Variants in NF2 observed in about 807,000 individuals in gnomAD.
The protein encoded by NF2 is NF2, moesin-ezrin-radixin like (MERLIN) tumor suppressor, also known as merlin.
Under a neutral mutation model 83.7 loss-of-function variants are expected in NF2, and 8 were observed. The ratio of observed to expected loss-of-function variants is 0.10; its 90% CI spans 0.06 to 0.17. NF2 has a LOEUF of 0.17. NF2 is among the 10% of genes least tolerant of loss of function. NF2 has a pLI of 1.00. For synonymous variants in NF2, 266 were observed against 269.6 expected (o/e 0.99, Z 0.13); for missense variants, 533 against 744.4 (o/e 0.72, Z 3.31).
intron 13 of NF2, among the ~76,000 whole-genome samples, chr22:29,676,376 A>G (rs1244310086): frequency 6.6e-6 from 1 of 151,758 alleles, no homozygotes; most frequent in Non-Finnish European, 1.5e-5. Flanking sequence ...GGGTTTTGCC[A>G]TGTTGCCACA....
At chr22:29,606,851 G>A (rs1046825560) in intron 1 of NF2, among the ~76,000 whole-genome samples, 1 of 152,294 alleles carries the variant, frequency 6.6e-6, no homozygotes, top group African/African-American at 2.4e-5. Flanking sequence ...TTTGAGACCA[G>A]CTTGACCAAT....
intron 9 of NF2, among the ~76,000 whole-genome samples, chr22:29,667,813 T>G (rs2066668509): frequency 1.3e-5 from 2 of 152,244 alleles, no homozygotes; most frequent in Non-Finnish European, 2.9e-5. Flanking sequence ...TTTTGTGTCT[T>G]ACTTGGCATC....
intron 13 of NF2, among the ~76,000 whole-genome samples, chr22:29,675,477 AT>A (rs111997472): frequency 0.057 from 8,235 of 144,402 alleles, 713 homozygotes; most frequent in African/African-American, 0.19. Flanking sequence ...TCAGTTTGGC[AT>A]TTTTTTTTTT....
At chr22:29,662,019 A>G (rs941776772) in intron 8 of NF2, among the ~76,000 whole-genome samples, 1 of 152,256 alleles carries the variant, frequency 6.6e-6, no homozygotes, top group African/African-American at 2.4e-5. Flanking sequence ...AAATATTTCC[A>G]TATAGGGTGG....
chr22:29,680,540 T>C (rs1318512664), intron 14 of NF2, among the ~76,000 whole-genome samples: 3 of 152,264 alleles, frequency 2.0e-5, no homozygotes, highest in Non-Finnish European at 4.4e-5. Context: ...TTGGTATTTG[T>C]ATTGCATGGT....
At position 29,696,603 on chromosome 22, in the gene NF2, G is replaced by A. The variant is rs933131119; in HGVS notation, c.*1801G>A. ...CTGACCTAATGGGGTTGGGCTGCTC[G>A]GCAACTGCTTGGGTCACCTTGCCCC... On this transcript the variant is annotated 3_prime_UTR_variant, in exon 16 of 16. Transcript: ENST00000338641. The A allele has an allele frequency of 6.6e-5, 14 of 213,592 alleles. No individual in the cohort carries two copies. The highest frequency in any genetic ancestry group is 9.5e-5 in the Non-Finnish European group (10 of 105,488). The allele number at this position is 213,592 out of a possible 1,614,324, so 13.2% of individuals were successfully genotyped here.
Position 29,636,223 on chromosome 22 carries a change from G to A in NF2, c.115-528G>A, listed in dbSNP as rs1277025766. Among the ~76,000 whole-genome samples the A allele has an allele frequency of 1.3e-5, 2 of 151,984 alleles. No homozygotes were observed. Among genetic ancestry groups the A allele is most frequent in the African/African-American group, 2.4e-5 (1 of 41,360 alleles). ...GACAGACCTGTGATTGGACTGTCTG[G>A]TCTCTCATGGTTCTTTTTCTCCATG... On this transcript the variant is annotated intron_variant, in intron 1 of 15. Transcript: ENST00000338641. This position sits in a 1 kb window ranked among gnomAD's most constrained non-coding sequence, Gnocchi z 4.4.
chr22:29,620,854 G>A (rs541707423), intron 1 of NF2, among the ~76,000 whole-genome samples: 4 of 152,234 alleles, frequency 2.6e-5, no homozygotes, highest in South Asian at 2.1e-4. Context: ...ACCACCACAC[G>A]CAGCTCTGAT....
rs1309217352 is a variant in NF2 at position 29,694,403 on chromosome 22, A to G, written c.1738-349A>G. ...CTGGTGCCGCCACAGACAGCACACC[A>G]CAGAGGTGGCTCAGGGACCTTGGTA... On this transcript the variant is annotated intron_variant, in intron 15 of 15. Coordinates refer to ENST00000338641, the MANE Select transcript of NF2 (RefSeq NM_000268.4). This position sits in a 1 kb window ranked among gnomAD's most constrained non-coding sequence, Gnocchi z 4.1. 9.2e-5 allele frequency among the ~76,000 whole-genome samples: 14 copies of G among 152,318 alleles called. No homozygotes were observed. Among genetic ancestry groups the G allele is most frequent in the South Asian group, 6.2e-4 (3 of 4,826 alleles).
chr22:29,675,486 T>C (rs2066934358), intron 13 of NF2, among the ~76,000 whole-genome samples: 1 of 151,910 alleles, frequency 6.6e-6, no homozygotes, highest in African/African-American at 2.4e-5. Context: ...CATTTTTTTT[T>C]TTTTCATATT....
At chr22:29,670,023 G>A (rs1005551135) in intron 10 of NF2, among the ~76,000 whole-genome samples, 6 of 151,924 alleles carry the variant, frequency 3.9e-5, no homozygotes, top group Non-Finnish European at 8.8e-5. Flanking sequence ...TTTAATAAAA[G>A]GGTCTTGTTC....
chr22:29,694,116 C>T lies in NF2; in HGVS notation c.1738-636C>T, dbSNP rs984450681. On this transcript the variant is annotated intron_variant, in intron 15 of 15. Transcript: ENST00000338641. The surrounding 1 kb of genome is among the most constrained non-coding windows in gnomAD (Gnocchi z 4.1). ...CTGGGCAGAGTGCCACCTGTGTGCA[C>T]CAGCCCTCCCTGCCTGCACAAGCCA... Among the ~76,000 whole-genome samples the T allele has an allele frequency of 6.6e-6, 1 of 152,230 alleles. No homozygotes were observed. Among genetic ancestry groups the T allele is most frequent in the African/African-American group, 2.4e-5 (1 of 41,446 alleles).
intron 3 of NF2, among the ~76,000 whole-genome samples, chr22:29,640,693 G>A (rs747679295): frequency 2.0e-5 from 3 of 152,086 alleles, no homozygotes; most frequent in African/African-American, 4.8e-5. Context: ...TTCAGCCTCA[G>A]TATATTGTGG....
At chr22:29,623,068 A>G (rs2146773522) in intron 1 of NF2, among the ~76,000 whole-genome samples, 1 of 150,872 alleles carries the variant, frequency 6.6e-6, no homozygotes, top group East Asian at 2.0e-4. Context: ...CTCCTGCCTA[A>G]GCCTCCCAAG....
intron 1 of NF2, among the ~76,000 whole-genome samples, chr22:29,613,238 A>G (rs2064999206): frequency 6.6e-6 from 1 of 151,902 alleles, no homozygotes; most frequent in South Asian, 2.1e-4. Flanking sequence ...ACAACTAATC[A>G]AGACAACGTC....
At chr22:29,618,106 C>T (rs554170633) in intron 1 of NF2, among the ~76,000 whole-genome samples, 1 of 152,328 alleles carries the variant, frequency 6.6e-6, no homozygotes, top group East Asian at 1.9e-4. Flanking sequence ...CAAGCCATTA[C>T]ACCTCACTGA....
intron 12 of NF2, among the ~76,000 whole-genome samples, chr22:29,673,773 AC>A (rs1268306563): frequency 6.6e-6 from 1 of 151,440 alleles, no homozygotes; most frequent in East Asian, 1.9e-4. Context: ...GTGCAGGAAA[AC>A]CCCTGAGCAT....
chr22:29,656,154 G>A (rs2066300838), intron 6 of NF2, among the ~76,000 whole-genome samples: 1 of 151,910 alleles, frequency 6.6e-6, no homozygotes, highest in South Asian at 2.1e-4. Flanking sequence ...ACCCAGGCTG[G>A]TCTTCAACTC....
chr22:29,634,833 A>G (rs550289406), intron 1 of NF2, among the ~76,000 whole-genome samples: 2 of 152,322 alleles, frequency 1.3e-5, no homozygotes, highest in East Asian at 1.9e-4. Flanking sequence ...TTTTTGTCCT[A>G]TTGTCAGACT....
Sources: gnomAD v4.1 joint callset for allele counts (sites outside exome capture counted in the v4.1 genomes callset) on GRCh38, gnomAD v4.1.1 for gene constraint, Gnocchi (gnomAD v3.1) non-coding constraint, MANE v1.5 for transcripts, NCBI Gene and HGNC (gene_info 2026-07-23, HGNC 2026-07-21) for gene names.